The following DHX38 variants were observed in gnomAD, a reference collection of about 807,000 sequenced individuals.
The protein encoded by DHX38 is DEAH-box helicase 38.
In DHX38, 100 loss-of-function variants were observed where a neutral mutation model predicts 153.1. The observed-to-expected ratio is 0.65, with a 90% CI of 0.56 to 0.77. DHX38 has a LOEUF of 0.77. Ranked by LOEUF, DHX38 falls within the 30% of genes least tolerant of loss-of-function variation. The pLI, the probability that DHX38 is intolerant of heterozygous loss-of-function variation, is 0.00. For synonymous variants in DHX38, 650 were observed against 631.7 expected, an observed-to-expected ratio of 1.03 and a Z score of -0.43; for missense variants, 1,440 against 1,654.0, an observed-to-expected ratio of 0.87 and a Z score of 2.24.
chr16:72,108,820 C>T lies in DHX38; in HGVS notation c.3276C>T (p.Asn1092=). ...CCTAGGGAATCGGGGAGTACGTGAA[C>T]ATCCGCACAGGGATGCCCTGCCACT... is the stretch of plus-strand genomic sequence containing the variant. ...AKLKGIGEYV[N]IRTGMPCHLH... is the part of the protein sequence containing the mutation. Residue 1092 remains asparagine (N), a synonymous_variant, in exon 24 of 27, where the codon AAC becomes AAT. Transcript: ENST00000268482. 2 of 1,613,950 alleles carry T rather than the reference C, an allele frequency of 1.2e-6. No homozygotes were observed. Among genetic ancestry groups the T allele is most frequent in the African/African-American group, 1.3e-5 (1 of 75,066 alleles).
intron 17 of DHX38, 25 bp downstream of exon 17, chr16:72,105,373 G>GTGGC (rs2042160494): frequency 1.2e-6 from 2 of 1,612,338 alleles, no homozygotes; most frequent in Non-Finnish European, 1.7e-6. Context: ...ATGTCCAGGA[G>GTGGC]TGGCTCTTGG....
In DHX38 at chr16:72,096,975, G is replaced by A. The variant is rs772671521; in HGVS notation, c.477G>A (p.Ser159=). 15 of 1,613,880 alleles carry A rather than the reference G, an allele frequency of 9.3e-6. No homozygotes were observed. The highest frequency in any genetic ancestry group is 5.3e-5 in the African/African-American group (4 of 74,924). Residue 159 remains serine (S), a synonymous_variant, in exon 3 of 27, where the codon TCG becomes TCA. Coordinates refer to ENST00000268482, the MANE Select transcript of DHX38 (RefSeq NM_014003.4). The stretch of plus-strand genomic sequence containing the variant: ...AAAAGGATTGGAAGAAGGAGAAATC[G>A]CGGGATCGAGACTATGACCGCAAGA... ...KEEKDWKKEK[S]RDRDYDRKRD... is the part of the protein sequence containing the mutation.
rs374277527 is a variant in DHX38, at chr16:72,105,543, C to T, written c.2406C>T (p.Ile802=). Residue 802 remains isoleucine (I), a synonymous_variant, in exon 18 of 27, where the codon ATC becomes ATT. Transcript: ENST00000268482. ...CTCCAGATGGCGTTCGGAAGTGCAT[C>T]GTTGCCACCAATATTGCCGAGACGT... ...QKAPDGVRKC[I]VATNIAETSL... The T allele has an allele frequency of 2.3e-5, 37 of 1,614,022 alleles. No individual in the cohort carries two copies. The highest frequency in any genetic ancestry group is 5.3e-5 in the African/African-American group (4 of 74,898).
intron 1 of DHX38, among the ~76,000 whole-genome samples, chr16:72,094,943 C>T (rs978572599): frequency 4.6e-5 from 7 of 152,240 alleles, no homozygotes; most frequent in African/African-American, 1.7e-4. Flanking sequence ...CTCACATGCG[C>T]ACAGATGTCA....
chr16:72,104,972 G>T lies in DHX38; in HGVS notation c.2152-55G>T, dbSNP rs1293957800. On this transcript the variant is annotated intron_variant, in intron 15 of 26. Transcript: ENST00000268482. This position sits in a 1 kb window ranked among gnomAD's most constrained non-coding sequence, Gnocchi z 4.5. Reference sequence around the variant, plus strand: ...CTGGGCCACTGGGCTCCCAGGAGATGCCCGGCCTGCGCTTCTAGTACCTCC... The same window carrying T: ...CTGGGCCACTGGGCTCCCAGGAGATTCCCGGCCTGCGCTTCTAGTACCTCC... 1.9e-6 allele frequency: 3 copies of T among 1,549,018 alleles called. No homozygotes were observed. Among genetic ancestry groups the T allele is most frequent in the South Asian group, 1.2e-5 (1 of 85,122 alleles).
chr16:72,106,256 G>C, intron 19 of DHX38, 139 bp downstream of exon 19: 1 of 747,206 alleles, frequency 1.3e-6, no homozygotes, highest in Non-Finnish European at 2.2e-6. Flanking sequence ...CCACTTGTTA[G>C]TCCTTTCATC....
At chr16:72,110,289 G>T (rs1275678963) in intron 25 of DHX38, among the ~76,000 whole-genome samples, 1 of 152,246 alleles carries the variant, frequency 6.6e-6, no homozygotes, top group African/African-American at 2.4e-5. Context: ...AGCTGGCGAT[G>T]AGTCCAACCG....
chr16:72,109,322 G>T, intron 24 of DHX38, 93 bp from the exon 25 acceptor site: 2 of 1,377,376 alleles, frequency 1.5e-6, no homozygotes, highest in Non-Finnish European at 2.0e-6. Context: ...GCCAGGGATT[G>T]GGCCCTTCCC....
Position 72,107,883 on chromosome 16 carries a change from A to T in DHX38, c.2964+84A>T, listed in dbSNP as rs1377568308. The stretch of plus-strand genomic sequence containing the variant: ...AATGGCTTCTCTCTGTATTACTGAA[A>T]TGGAACAGAGGGCAGAATCAGAGTT... On this transcript the variant is annotated intron_variant, in intron 21 of 26. Transcript: ENST00000268482. This position sits in a 1 kb window ranked among gnomAD's most constrained non-coding sequence, Gnocchi z 5.3. 6 of 1,518,338 alleles carry T rather than the reference A, an allele frequency of 4.0e-6. No individual in the cohort carries two copies. The African/African-American group carries it at 5.5e-5, about 14-fold the overall frequency. The allele number at this position is 1,518,338 out of a possible 1,614,324, so 94.1% of individuals were successfully genotyped here. A position where few individuals can be genotyped will look rare whatever the true frequency, so the allele number is the denominator to read the frequency against.
intron 4 of DHX38, among the ~76,000 whole-genome samples, chr16:72,098,385 A>G (rs903086418): frequency 6.6e-6 from 1 of 152,158 alleles, no homozygotes; most frequent in Admixed American, 6.5e-5. Context: ...GTGAGCCAAG[A>G]TCACACCACT....
rs761827837 is a variant in DHX38, at chr16:72,105,104, C to A, written c.2229C>A (p.Ile743=). Residue 743 remains isoleucine (I), a synonymous_variant, in exon 16 of 27, where the codon ATC becomes ATA. Transcript: ENST00000268482. ...QVHLSGAPGD[I]LIFMPGQEDI... ...ACCTGTCGGGGGCCCCTGGAGACAT[C>A]CTTATCTTCATGCCTGGCCAAGAGG... is the stretch of plus-strand genomic sequence containing the variant. 1.3e-5 allele frequency: 21 copies of A among 1,614,222 alleles called. 1 individual carries two copies. The South Asian group carries it at 2.2e-4, about 17-fold the overall frequency.
Position 72,097,691 on chromosome 16 carries a change from A to T in DHX38, c.526A>T (p.Ser176Cys). ...ACTCTTCATAGATGAGCGGGATAGA[A>T]GTAGGCACAGCAGCAGATCAGAGCG... ...RKRDRDERDR[S>C]RHSSRSERDG... is the part of the protein sequence containing the mutation. The change falls in exon 4 of 27, where the codon AGT becomes TGT. Residue 176 changes from serine to cysteine, a missense_variant. Coordinates refer to ENST00000268482, the MANE Select transcript of DHX38 (RefSeq NM_014003.4). 3.1e-6 allele frequency: 5 copies of T among 1,614,096 alleles called. No individual in the cohort carries two copies. The highest frequency in any genetic ancestry group is 4.2e-6 in the Non-Finnish European group (5 of 1,179,966).
At chr16:72,097,326 A>G (rs1567603280) in intron 3 of DHX38, 6 of 403,884 alleles carry the variant, frequency 1.5e-5, no homozygotes, top group Non-Finnish European at 9.0e-6. Context: ...GGACAGTGCT[A>G]TGGAACAAAG....
At chr16:72,102,398 G>T (rs1438466161) in intron 11 of DHX38, among the ~76,000 whole-genome samples, 3 of 152,130 alleles carry the variant, frequency 2.0e-5, no homozygotes, top group South Asian at 2.1e-4. Context: ...AAGTCTCTGG[G>T]GAGGGGGTTG....
In DHX38 at chr16:72,107,484, C is replaced by T. The variant is rs762977085; in HGVS notation, c.2745C>T (p.Pro915=). 1 of 1,614,198 alleles carries T rather than the reference C, an allele frequency of 6.2e-7. No homozygotes were observed. The highest frequency in any genetic ancestry group is 2.2e-5 in the East Asian group (1 of 44,870). ...DLLQFHFMDP[P]PEDNMLNSMY... ...TGCAGTTCCACTTCATGGACCCGCC[C>T]CCGGAGGACAACATGCTCAACTCTA... The change falls in exon 20 of 27, where the codon CCC becomes CCT. Residue 915 remains proline, a synonymous_variant. Transcript: ENST00000268482. This position sits in a 1 kb window ranked among gnomAD's most constrained non-coding sequence, Gnocchi z 5.3.
In DHX38 at chr16:72,101,440, A is replaced by T. The variant is rs184948929; in HGVS notation, c.1387-60A>T. 153 of 1,500,730 alleles carry T rather than the reference A, an allele frequency of 1.0e-4. 2 individuals are homozygous for T. The Admixed American group carries it at 2.7e-3, about 27-fold the overall frequency. 93.0% of individuals were successfully genotyped at this position (1,500,730 alleles called of 1,614,324 possible). A position where few individuals can be genotyped will look rare whatever the true frequency, so the allele number is the denominator to read the frequency against. ...TGAAGTCTGCTCTCCCGTGGGATTG[A>T]TTTTCCATTGCTCGCAGTCATGTGG... On this transcript the variant is annotated intron_variant, in intron 10 of 26. Transcript: ENST00000268482.
intron 4 of DHX38, 49 bp downstream of exon 4, chr16:72,097,830 C>T: frequency 6.7e-7 from 1 of 1,500,762 alleles, no homozygotes; most frequent in Non-Finnish European, 9.0e-7. Flanking sequence ...GTATAAAAGG[C>T]AGAGTGAGTG....
At chr16:72,099,163 A>G (rs1044238899) in intron 6 of DHX38, 41 bp from the exon 7 acceptor site, 1 of 1,596,608 alleles carries the variant, frequency 6.3e-7, no homozygotes, top group Non-Finnish European at 8.5e-7. Flanking sequence ...CGCTGGGGAC[A>G]GGCCAGGGCA....
At chr16:72,101,455 C>T (rs1208307211) in intron 10 of DHX38, 45 bp from the exon 11 acceptor site, 37 of 1,519,488 alleles carry the variant, frequency 2.4e-5, no homozygotes, top group Non-Finnish European at 3.0e-5. Context: ...CCATTGCTCG[C>T]AGTCATGTGG....
Sources: gnomAD v4.1 joint callset for allele counts (sites outside exome capture counted in the v4.1 genomes callset) on GRCh38, gnomAD v4.1.1 for gene constraint, Gnocchi (gnomAD v3.1) non-coding constraint, MANE v1.5 for transcripts, NCBI Gene and HGNC (gene_info 2026-07-23, HGNC 2026-07-21) for gene names.